C12orf42: variants seen among roughly 807,000 people sequenced by gnomAD.
C12orf42 encodes chromosome 12 open reading frame 42.
Under a neutral mutation model 21.6 loss-of-function variants are expected in C12orf42, and 25 were observed. That is an observed-to-expected ratio of 1.16 (90% CI 0.84 to 1.62). C12orf42 has a LOEUF of 1.62. Ranked by LOEUF, C12orf42 falls within the 40% of genes most tolerant of loss-of-function variation. The probability of loss-of-function intolerance (pLI) is 0.00; values close to 1 mark genes in which losing one functional copy is unlikely to be tolerated. For missense variants in C12orf42, 483 were observed against 459.3 expected (o/e 1.05, Z -0.47); for synonymous variants, 174 against 175.0 (o/e 0.99, Z 0.05).
At chr12:103,479,872 T>C (rs996885478) in intron 1 of C12orf42, among the ~76,000 whole-genome samples, 1 of 151,996 alleles carries the variant, frequency 6.6e-6, no homozygotes, top group African/African-American at 2.4e-5. Context: ...TTTGTTTTCT[T>C]CTTCAATGAT....
the C12orf42 span, among the ~76,000 whole-genome samples, chr12:103,505,106 G>A: frequency 1.3e-5 from 2 of 152,196 alleles, no homozygotes; most frequent in Admixed American, 6.5e-5. Flanking sequence ...TTGTTCAGAT[G>A]TGTTCCTTAA....
intron 2 of C12orf42, among the ~76,000 whole-genome samples, chr12:103,475,328 C>T (rs929848823): frequency 6.6e-6 from 1 of 152,180 alleles, no homozygotes; most frequent in Non-Finnish European, 1.5e-5. Context: ...TCTAGTCAAA[C>T]ATGCAAAACA....
At chr12:103,173,433 T>C in the C12orf42 span, among the ~76,000 whole-genome samples, 3 of 152,088 alleles carry the variant, frequency 2.0e-5, no homozygotes, top group African/African-American at 7.2e-5. Flanking sequence ...TCCTTCCCAC[T>C]CTAGCCTTCC....
intron 3 of C12orf42, among the ~76,000 whole-genome samples, chr12:103,386,265 C>T (rs1332231650): frequency 1.3e-5 from 2 of 152,140 alleles, no homozygotes; most frequent in African/African-American, 4.8e-5. Flanking sequence ...TTGTCACACA[C>T]TCAAGCAGTA....
At chr12:103,068,670 G>A in the C12orf42 span, among the ~76,000 whole-genome samples, 16 of 151,634 alleles carry the variant, frequency 1.1e-4, no homozygotes, top group African/African-American at 3.9e-4. Flanking sequence ...CATCAGGCAG[G>A]CAGAAAAAAT....
intron 4 of C12orf42, among the ~76,000 whole-genome samples, chr12:103,287,726 A>C (rs978742100): frequency 2.0e-5 from 3 of 151,906 alleles, no homozygotes; most frequent in African/African-American, 4.8e-5. Flanking sequence ...AAAAACAAAA[A>C]AAAGTGTTCA....
At chr12:103,457,410 G>A (rs1047665707) in intron 2 of C12orf42, among the ~76,000 whole-genome samples, 4 of 152,118 alleles carry the variant, frequency 2.6e-5, no homozygotes, top group Non-Finnish European at 5.9e-5. Context: ...TTGCTAGTCT[G>A]CCCTTCCTCT....
chr12:103,427,908 T>C (rs545228999), intron 2 of C12orf42, among the ~76,000 whole-genome samples: 1 of 152,254 alleles, frequency 6.6e-6, no homozygotes, highest in South Asian at 2.1e-4. Flanking sequence ...CAGAAGTAAG[T>C]AAGTTCTTTG....
At chr12:103,118,296 A>G in the C12orf42 span, among the ~76,000 whole-genome samples, 14 of 152,318 alleles carry the variant, frequency 9.2e-5, no homozygotes, top group Admixed American at 7.8e-4. Flanking sequence ...TGAAGAATGA[A>G]TGAATGAAAC....
At chr12:103,124,159 T>A in the C12orf42 span, among the ~76,000 whole-genome samples, 2 of 61,772 alleles carry the variant, frequency 3.2e-5, no homozygotes, top group Non-Finnish European at 6.3e-5. Context: ...CATAAGCTTT[T>A]TTTTTTTTTT....
At chr12:103,530,444 A>G in the C12orf42 span, among the ~76,000 whole-genome samples, 1 of 152,178 alleles carries the variant, frequency 6.6e-6, no homozygotes, top group African/African-American at 2.4e-5. Context: ...GGCTTAGAAA[A>G]GGTTAACTAG....
At chr12:103,074,940 T>A in the C12orf42 span, among the ~76,000 whole-genome samples, 7 of 151,338 alleles carry the variant, frequency 4.6e-5, no homozygotes, top group African/African-American at 1.2e-4. Context: ...ATAAAAAAAA[T>A]TATCTGGACT....
the C12orf42 span, among the ~76,000 whole-genome samples, chr12:103,176,614 T>C: frequency 6.6e-6 from 1 of 152,146 alleles, no homozygotes; most frequent in African/African-American, 2.4e-5. Flanking sequence ...ATTATCCCCA[T>C]TTTGCAATAA....
the C12orf42 span, among the ~76,000 whole-genome samples, chr12:103,068,506 C>T: frequency 6.6e-6 from 1 of 151,930 alleles, no homozygotes; most frequent in Non-Finnish European, 1.5e-5. Flanking sequence ...TGAGTGTCAA[C>T]CTGATTGGAT....
rs1168566475 is a variant in C12orf42, at chr12:103,337,199, A to T, written c.260-30854T>A. ...AACTAGAAAGTAAATGCCTGCAAACATAGTCTGTCTCATGTGCTATCTGCC... is the reference window on the plus strand; with the variant it reads ...AACTAGAAAGTAAATGCCTGCAAACTTAGTCTGTCTCATGTGCTATCTGCC... On this transcript the variant is annotated intron_variant, in intron 4 of 5. Coordinates refer to ENST00000548883, the MANE Select transcript of C12orf42 (RefSeq NM_198521.5). Among the ~76,000 whole-genome samples the T allele has an allele frequency of 2.6e-5, 4 of 152,350 alleles. No individual in the cohort carries two copies. In the East Asian group the frequency reaches 7.7e-4, roughly 29 times the overall value.
At chr12:103,395,639 C>T (rs2047465985) in intron 3 of C12orf42, among the ~76,000 whole-genome samples, 1 of 152,052 alleles carries the variant, frequency 6.6e-6, no homozygotes, top group East Asian at 1.9e-4. Flanking sequence ...CAGGTCCAGA[C>T]CCATTATTCT....
At chr12:103,146,083 CTGTTT>C in the C12orf42 span, among the ~76,000 whole-genome samples, 2 of 151,956 alleles carry the variant, frequency 1.3e-5, no homozygotes, top group African/African-American at 4.8e-5. Flanking sequence ...CTTGTGTTTT[CTGTTT>C]TTTTTGTCTT....
At chr12:103,343,766 C>T (rs4304883) in intron 4 of C12orf42, among the ~76,000 whole-genome samples, 12,365 of 143,816 alleles carry the variant, frequency 0.086, 527 homozygotes, top group East Asian at 0.2. Flanking sequence ...AAGAGTGAAA[C>T]TCTGTCACAA....
At chr12:103,513,011 A>C in the C12orf42 span, among the ~76,000 whole-genome samples, 2 of 152,096 alleles carry the variant, frequency 1.3e-5, no homozygotes, top group East Asian at 3.9e-4. Context: ...CAAAAAAAAA[A>C]AAAAAAGTAG....
Sources: allele counts gnomAD v4.1 joint callset (sites outside exome capture counted in the v4.1 genomes callset), GRCh38; gene constraint gnomAD v4.1.1; transcripts MANE v1.5; gene names NCBI Gene and HGNC (gene_info 2026-07-23, HGNC 2026-07-21).